Variants in RHBDD1 observed in about 807,000 individuals in gnomAD.
RHBDD1 encodes the protein rhomboid domain containing 1, also known as rhomboid-related protein 4.
A neutral mutation model predicts 36.3 loss-of-function variants in RHBDD1; 38 were observed. The ratio of observed to expected loss-of-function variants is 1.05; its 90% CI spans 0.81 to 1.37. The LOEUF (loss-of-function observed/expected upper bound fraction) is 1.37, where lower values mean the gene tolerates loss of function less well. Among genes scored for constraint, RHBDD1 ranks in the 40% most tolerant of loss-of-function variants. The probability of loss-of-function intolerance (pLI) is 0.00; values close to 1 mark genes in which losing one functional copy is unlikely to be tolerated. For synonymous variants in RHBDD1, 151 were observed against 136.5 expected (o/e 1.11, Z -0.74); for missense variants, 393 against 377.6 (o/e 1.04, Z -0.34).
intron 5 of RHBDD1, among the ~76,000 whole-genome samples, chr2:226,903,792 C>T (rs934248990): frequency 1.3e-5 from 2 of 152,138 alleles, no homozygotes; most frequent in Non-Finnish European, 2.9e-5. Context: ...ACACCCCCCT[C>T]TCCTGTATCC....
intron 5 of RHBDD1, among the ~76,000 whole-genome samples, chr2:226,893,757 G>A (rs1247011420): frequency 6.6e-6 from 1 of 152,086 alleles, no homozygotes; most frequent in Admixed American, 6.6e-5. Flanking sequence ...GATTAGCAGG[G>A]GTGCTACTGG....
chr2:226,816,098 C>T, the RHBDD1 span, among the ~76,000 whole-genome samples: 1 of 152,142 alleles, frequency 6.6e-6, no homozygotes, highest in South Asian at 2.1e-4. Context: ...GCTACAAAGC[C>T]TCTGACTAAG....
At chr2:226,914,089 A>G (rs551398951) in intron 7 of RHBDD1, 119 bp from the exon 8 acceptor site, 1 of 885,708 alleles carries the variant, frequency 1.1e-6, no homozygotes, top group Admixed American at 2.5e-5. Flanking sequence ...TATTTTGAGG[A>G]TAATTATTAT....
chr2:226,811,287 A>T, the RHBDD1 span, among the ~76,000 whole-genome samples: 4 of 151,880 alleles, frequency 2.6e-5, no homozygotes, highest in African/African-American at 9.7e-5. Context: ...GAAAGAGATG[A>T]TCCTAAAATT....
intron 8 of RHBDD1, among the ~76,000 whole-genome samples, chr2:226,954,594 C>A (rs1951665799): frequency 6.6e-6 from 1 of 151,956 alleles, no homozygotes; most frequent in South Asian, 2.1e-4. Flanking sequence ...TCCCCCGACC[C>A]CCACCAACCA....
At chr2:226,834,081 CT>C (rs10718230), upstream of RHBDD1, among the ~76,000 whole-genome samples, 34,434 of 151,888 alleles carry the variant, frequency 0.23, 7,199 homozygotes, top group African/African-American at 0.56. Context: ...GTATATATTT[CT>C]TACATTTTAA....
Position 226,866,903 on chromosome 2 carries a change from G to A in RHBDD1, c.434-283G>A, listed in dbSNP as rs544678222. ...ATTTTGTAGTGCACAGTTCACTGGC[G>A]TTTAATACTAATAATAGTATTTTAT... On this transcript the variant is annotated intron_variant, in intron 4 of 8. Transcript: ENST00000392062. Among the ~76,000 whole-genome samples the A allele has an allele frequency of 2.1e-3, 313 of 152,168 alleles. 2 individuals are homozygous for A. Among genetic ancestry groups the A allele is most frequent in the Middle Eastern group, 6.8e-3 (2 of 294 alleles).
At chr2:226,917,869 A>C (rs564636248) in intron 8 of RHBDD1, among the ~76,000 whole-genome samples, 2 of 152,024 alleles carry the variant, frequency 1.3e-5, no homozygotes, top group Non-Finnish European at 2.9e-5. Context: ...ATATAAAAAT[A>C]AATAATTTTA....
intron 8 of RHBDD1, among the ~76,000 whole-genome samples, chr2:226,944,675 C>A (rs554285068): frequency 1.3e-5 from 2 of 152,144 alleles, no homozygotes; most frequent in Non-Finnish European, 2.9e-5. Context: ...CATAGATTTT[C>A]CTCCTGAGTG....
In RHBDD1 at chr2:226,884,818, C is replaced by T. The variant is rs1326609215; in HGVS notation, c.566+17500C>T. Among the ~76,000 whole-genome samples the T allele has an allele frequency of 4.6e-5, 7 of 152,026 alleles. No homozygotes were observed. In the East Asian group the frequency reaches 9.6e-4, roughly 21 times the overall value. On this transcript the variant is annotated intron_variant, in intron 5 of 8. Transcript: ENST00000392062. ...GTTTAGAATGTGTAATAAGCCAGATCTGAAAAATAACTAACAATGTGTGAG... is the reference window on the plus strand; with the variant it reads ...GTTTAGAATGTGTAATAAGCCAGATTTGAAAAATAACTAACAATGTGTGAG...
At chr2:226,825,753 TAGAA>T in the RHBDD1 span, among the ~76,000 whole-genome samples, 2 of 152,210 alleles carry the variant, frequency 1.3e-5, no homozygotes, top group Non-Finnish European at 1.5e-5. Flanking sequence ...AATAATGTAT[TAGAA>T]AGAAAGGTGA....
intron 6 of RHBDD1, chr2:226,908,618 C>T (rs1948253833): frequency 3.5e-6 from 2 of 568,590 alleles, no homozygotes; most frequent in Non-Finnish European, 3.1e-6. Context: ...CACACACACA[C>T]ACATTCTTTT....
At chr2:226,962,869 T>C (rs541569512) in intron 8 of RHBDD1, among the ~76,000 whole-genome samples, 2 of 152,354 alleles carry the variant, frequency 1.3e-5, no homozygotes, top group Admixed American at 1.3e-4. Flanking sequence ...GTTACTTTGA[T>C]CCAAAGTTGA....
chr2:226,848,009 T>C (rs1942407273), intron 3 of RHBDD1, among the ~76,000 whole-genome samples: 1 of 152,182 alleles, frequency 6.6e-6, no homozygotes, highest in Non-Finnish European at 1.5e-5. Flanking sequence ...TTGGAGAAGG[T>C]ATGGGTGCTT....
intron 8 of RHBDD1, among the ~76,000 whole-genome samples, chr2:226,976,353 T>G (rs1265684242): frequency 6.6e-6 from 1 of 150,470 alleles, no homozygotes; most frequent in Non-Finnish European, 1.5e-5. Context: ...ACTTCCCAAG[T>G]CCAAGTCGAG....
intron 8 of RHBDD1, among the ~76,000 whole-genome samples, chr2:226,965,041 T>G (rs1952514327): frequency 6.6e-6 from 1 of 152,228 alleles, no homozygotes; most frequent in Non-Finnish European, 1.5e-5. Context: ...CTGAAAGATA[T>G]GACCACCCAG....
the RHBDD1 span, among the ~76,000 whole-genome samples, chr2:226,827,438 CCTTA>C: frequency 6.6e-6 from 1 of 152,148 alleles, no homozygotes; most frequent in Non-Finnish European, 1.5e-5. Context: ...GCCTCTTATT[CCTTA>C]CTGTTGATCA....
intron 8 of RHBDD1, among the ~76,000 whole-genome samples, chr2:226,974,873 G>A (rs555936245): frequency 2.0e-5 from 3 of 152,272 alleles, no homozygotes; most frequent in Admixed American, 2.0e-4. Context: ...GCGTGGCTCA[G>A]GGACATCCTG....
the RHBDD1 span, among the ~76,000 whole-genome samples, chr2:226,814,636 CA>C: frequency 5.9e-5 from 9 of 152,238 alleles, no homozygotes; most frequent in Admixed American, 5.2e-4. Context: ...GAGGAAAAAG[CA>C]GGTGCAGAAA....
Sources: gnomAD v4.1 joint callset for allele counts (sites outside exome capture counted in the v4.1 genomes callset) on GRCh38, gnomAD v4.1.1 for gene constraint, MANE v1.5 for transcripts, NCBI Gene and HGNC (gene_info 2026-07-23, HGNC 2026-07-21) for gene names.